Variants in CARHSP1 observed in about 807,000 individuals in gnomAD.
CARHSP1 encodes the protein calcium regulated heat stable protein 1.
In CARHSP1, 14 loss-of-function variants were observed where a neutral mutation model predicts 12.5. The ratio of observed to expected loss-of-function variants is 1.12; its 90% CI spans 0.74 to 1.75. The LOEUF (loss-of-function observed/expected upper bound fraction) is 1.75, where lower values mean the gene tolerates loss of function less well. Ranked by LOEUF, CARHSP1 falls within the 40% of genes most tolerant of loss-of-function variation. The pLI is 0.00. For missense variants in CARHSP1, 343 were observed against 201.6 expected (o/e 1.70, Z -4.25); for synonymous variants, 161 against 82.0 (o/e 1.96, Z -5.20).
intron 1 of CARHSP1, chr16:8,861,768 G>A: frequency 4.7e-6 from 6 of 1,278,198 alleles, no homozygotes; most frequent in Non-Finnish European, 6.1e-6. Context: ...GGGGGCCAGG[G>A]CCCCCGCATG....
At chr16:8,863,358 G>T (rs377505043) in intron 1 of CARHSP1, among the ~76,000 whole-genome samples, 1 of 151,960 alleles carries the variant, frequency 6.6e-6, no homozygotes, top group Non-Finnish European at 1.5e-5. Flanking sequence ...AGCGATCGGC[G>T]CACCTTGGCT....
In CARHSP1 at chr16:8,854,886, C is replaced by T. The variant is rs551991300; in HGVS notation, c.*278G>A. ...CCACTCCCTGGGATGGGGTTGGAAC[C>T]TCCACTCAGCCACCAGTGGGCACCT... On this transcript the variant is annotated 3_prime_UTR_variant, in exon 4 of 4. Coordinates refer to ENST00000311052, the MANE Select transcript of CARHSP1 (RefSeq NM_014316.4). 1.8e-5 allele frequency: 5 copies of T among 284,924 alleles called. No homozygotes were observed. Among genetic ancestry groups the T allele is most frequent in the East Asian group, 5.8e-5 (1 of 17,328 alleles). 17.6% of individuals were successfully genotyped at this position (284,924 alleles called of 1,614,324 possible).
At chr16:8,865,619 C>T (rs567403940) in intron 1 of CARHSP1, among the ~76,000 whole-genome samples, 9 of 152,312 alleles carry the variant, frequency 5.9e-5, no homozygotes, top group South Asian at 2.1e-4. Context: ...GCTTCCAGCC[C>T]GGAGCCAGCC....
rs6898 is a variant in CARHSP1, at chr16:8,855,117, T to C, written c.*47A>G. 1,347,358 of 1,431,990 alleles carry C rather than the reference T, an allele frequency of 0.94. 635,325 individuals are homozygous for C. The highest frequency in any genetic ancestry group is 0.98 in the East Asian group (37,205 of 37,902). 88.7% of individuals were successfully genotyped at this position (1,431,990 alleles called of 1,614,324 possible). ...TCTCCAGTGTCTGCTGCCTCCTCCC[T>C]GCAAAGTCTCCCACAAGCACAGGAC... On this transcript the variant is annotated 3_prime_UTR_variant, in exon 4 of 4. Transcript: ENST00000311052.
In CARHSP1 at chr16:8,854,157, A is replaced by G. The variant is rs752765930; in HGVS notation, c.*1007T>C. 2.0e-5 allele frequency: 3 copies of G among 151,578 alleles called. No individual in the cohort carries two copies. Among genetic ancestry groups the G allele is most frequent in the Non-Finnish European group, 3.0e-5 (2 of 67,770 alleles). The allele number at this position is 151,578 out of a possible 1,614,324, so 9.4% of individuals were successfully genotyped here. ...CCGGCTCTGGGTGAAAGCTTTAGTT[A>G]TGAAAAATAAGAAAAAAAAAATCCC... is the stretch of plus-strand genomic sequence containing the variant. On this transcript the variant is annotated 3_prime_UTR_variant, in exon 4 of 4. Transcript: ENST00000311052.
chr16:8,858,196 G>T, intron 3 of CARHSP1, 154 bp downstream of exon 3: 2 of 875,862 alleles, frequency 2.3e-6, no homozygotes, highest in Non-Finnish European at 3.4e-6. Flanking sequence ...ACACACAGGA[G>T]CACAGCTGGA....
rs181283555 is a variant in CARHSP1 at position 8,858,378 on chromosome 16, C to A, written c.253G>T (p.Gly85Cys). 1.2e-6 allele frequency: 2 copies of A among 1,613,972 alleles called. No homozygotes were observed. The highest frequency in any genetic ancestry group is 2.2e-5 in the East Asian group (1 of 44,884). Residue 85 changes from glycine to cysteine, a missense_variant, in exon 3 of 4, where the codon GGC (glycine) becomes TGC (cysteine). Physicochemically the swap from Gly to Cys is radical, Grantham distance 159 (BLOSUM62 -3). Transcript: ENST00000311052. ...GHGFITPADG[G>C]PDIFLHISDV... ...GAGATGTGCAGGAAGATGTCGGGGC[C>A]GCCATCAGCTGGAGTAATGAAGCCA...
chr16:8,861,823 G>A (rs2061364361), intron 1 of CARHSP1: 1 of 1,196,752 alleles, frequency 8.4e-7, no homozygotes, highest in African/African-American at 1.6e-5. Context: ...TCAACGCCCA[G>A]AGTTCCAGGA....
In CARHSP1 at chr16:8,854,593, G is replaced by A. The variant is rs915546965; in HGVS notation, c.*571C>T. 1 of 152,842 alleles carries A rather than the reference G, an allele frequency of 6.5e-6. No individual in the cohort carries two copies. The highest frequency in any genetic ancestry group is 1.5e-5 in the Non-Finnish European group (1 of 68,218). 9.5% of individuals were successfully genotyped at this position (152,842 alleles called of 1,614,324 possible). A position where few individuals can be genotyped will look rare whatever the true frequency, so the allele number is the denominator to read the frequency against. On this transcript the variant is annotated 3_prime_UTR_variant, in exon 4 of 4. Coordinates refer to ENST00000311052, the MANE Select transcript of CARHSP1 (RefSeq NM_014316.4). ...AAAGGCAACATCCGTCCAATCCAAA[G>A]ACCGCCACCCCCGCCTTTCCCCACC...
At chr16:8,857,035 C>A (rs975327597) in intron 3 of CARHSP1, among the ~76,000 whole-genome samples, 3 of 152,140 alleles carry the variant, frequency 2.0e-5, no homozygotes, top group Admixed American at 6.5e-5. Flanking sequence ...TCCACCTCCC[C>A]CAAAGGAGGG....
At position 8,854,328 on chromosome 16, in the gene CARHSP1, C is replaced by G. The variant is rs146407712; in HGVS notation, c.*836G>C. Reference sequence around the variant, plus strand: ...TCGGGACAAAGTTTTTAAACAAAGACTGTGTCCTCTCCACAAGCCCTTCCC... The same window carrying G: ...TCGGGACAAAGTTTTTAAACAAAGAGTGTGTCCTCTCCACAAGCCCTTCCC... On this transcript the variant is annotated 3_prime_UTR_variant, in exon 4 of 4. Transcript: ENST00000311052. The G allele has an allele frequency of 6.6e-6, 1 of 152,180 alleles. No homozygotes were observed. Among genetic ancestry groups the G allele is most frequent in the African/African-American group, 2.4e-5 (1 of 41,428 alleles). The allele number at this position is 152,180 out of a possible 1,614,324, so 9.4% of individuals were successfully genotyped here.
intron 3 of CARHSP1, 42 bp from the exon 4 acceptor site, chr16:8,855,368 C>T (rs1241224204): frequency 1.4e-6 from 2 of 1,436,760 alleles, no homozygotes; most frequent in Admixed American, 2.3e-5. Context: ...CACACCGGGA[C>T]ACAGCTCCCT....
intron 3 of CARHSP1, among the ~76,000 whole-genome samples, chr16:8,855,694 A>G (rs1361845587): frequency 6.6e-6 from 1 of 152,224 alleles, no homozygotes. Context: ...AAACAAGGCC[A>G]TCATGGAGTG....
At chr16:8,861,430 C>T (rs1336827580) in intron 1 of CARHSP1, among the ~76,000 whole-genome samples, 1 of 151,800 alleles carries the variant, frequency 6.6e-6, no homozygotes, top group African/African-American at 2.4e-5. Flanking sequence ...CCCCAGTCCC[C>T]TCATTTATAG....
chr16:8,862,230 TTAA>T (rs1303259099), intron 1 of CARHSP1, among the ~76,000 whole-genome samples: 2 of 151,962 alleles, frequency 1.3e-5, no homozygotes, highest in Non-Finnish European at 2.9e-5. Context: ...TACAAGTTAC[TTAA>T]TCTCTCTGGG....
In CARHSP1 at chr16:8,859,277, C is replaced by A. The variant is rs150149549; in HGVS notation, c.52G>T (p.Val18Phe). The A allele has an allele frequency of 5.0e-6, 8 of 1,602,640 alleles. No homozygotes were observed. In the Admixed American group the frequency reaches 8.6e-5, roughly 17 times the overall value. Residue 18 changes from valine to phenylalanine, a missense_variant, in exon 2 of 4, where the codon GTC becomes TTC. Transcript: ENST00000311052. ...PPQPPTHQAS[V>F]GLLDTPRSRE... Reference sequence around the variant, plus strand: ...CTCCGAGGGGTGTCCAGCAGCCCGACTGAAGCTTGATGGGTGGGGGGCTGT... The same window carrying A: ...CTCCGAGGGGTGTCCAGCAGCCCGAATGAAGCTTGATGGGTGGGGGGCTGT...
intron 1 of CARHSP1, chr16:8,860,334 G>A: frequency 6.1e-6 from 6 of 985,378 alleles, no homozygotes; most frequent in Non-Finnish European, 7.2e-6. Flanking sequence ...AATTCCTTCT[G>A]TGACCCCTAG....
At chr16:8,856,418 C>T (rs1596524182) in intron 3 of CARHSP1, among the ~76,000 whole-genome samples, 2 of 152,138 alleles carry the variant, frequency 1.3e-5, no homozygotes, top group Non-Finnish European at 2.9e-5. Context: ...CTGCAGCCTA[C>T]TTCCAGCAGC....
intron 1 of CARHSP1, among the ~76,000 whole-genome samples, chr16:8,865,204 G>A (rs2061434108): frequency 6.6e-6 from 1 of 152,170 alleles, no homozygotes; most frequent in Non-Finnish European, 1.5e-5. Context: ...CCGCCCCCCA[G>A]GTTCAAGCGA....
Sources: allele counts gnomAD v4.1 joint callset (sites outside exome capture counted in the v4.1 genomes callset), GRCh38; gene constraint gnomAD v4.1.1; transcripts MANE v1.5; gene names NCBI Gene and HGNC (gene_info 2026-07-23, HGNC 2026-07-21).